The following CCSER1 variants were observed in gnomAD, a reference collection of about 807,000 sequenced individuals.
The protein encoded by CCSER1 is serine-rich coiled-coil domain-containing protein 1.
Under a neutral mutation model 82.0 loss-of-function variants are expected in CCSER1, and 41 were observed. That is an observed-to-expected ratio of 0.50 (90% CI 0.39 to 0.65). CCSER1 has a LOEUF of 0.65. Among genes scored for constraint, CCSER1 ranks in the 30% least tolerant of loss-of-function variants. CCSER1 has a pLI of 0.00. For missense variants in CCSER1, 1,119 were observed against 1,064.2 expected, an observed-to-expected ratio of 1.05 and a Z score of -0.72; for synonymous variants, 414 against 383.9, an observed-to-expected ratio of 1.08 and a Z score of -0.92.
chr4:90,370,278 C>T (rs1747151761), intron 3 of CCSER1: 1 of 152,002 alleles, frequency 6.6e-6, no homozygotes. Flanking sequence ...AATCTTCCCA[C>T]ATAGAGGAGT....
intron 8 of CCSER1, among the ~76,000 whole-genome samples, chr4:90,839,700 C>T (rs1762315941): frequency 6.6e-6 from 1 of 152,146 alleles, no homozygotes; most frequent in African/African-American, 2.4e-5. Flanking sequence ...TCCTTTTGCC[C>T]AATCTTACCA....
intron 1 of CCSER1, among the ~76,000 whole-genome samples, chr4:90,165,665 G>C (rs182673537): frequency 5.9e-5 from 9 of 152,118 alleles, no homozygotes; most frequent in Admixed American, 5.2e-4. Context: ...ATGTTTCTGT[G>C]ATAATGGTAT....
chr4:90,469,524 A>AACACACACACAC (rs3971380), intron 5 of CCSER1, among the ~76,000 whole-genome samples: 3,310 of 136,340 alleles, frequency 0.024, 61 homozygotes, highest in East Asian at 0.072. Flanking sequence ...TTTCCTGCAA[A>AACACACACACAC]ACACACACAC....
chr4:90,185,971 G>T (rs547990897), intron 1 of CCSER1, among the ~76,000 whole-genome samples: 1 of 152,048 alleles, frequency 6.6e-6, no homozygotes, highest in African/African-American at 2.4e-5. Flanking sequence ...AATTCATATT[G>T]TGCCACATTA....
intron 8 of CCSER1, among the ~76,000 whole-genome samples, chr4:90,850,791 T>G (rs931195524): frequency 6.6e-6 from 1 of 152,236 alleles, no homozygotes; most frequent in Non-Finnish European, 1.5e-5. Context: ...AATGCTGGAA[T>G]GAGTTAAGAC....
At chr4:90,320,396 G>A (rs1561022535) in intron 3 of CCSER1, among the ~76,000 whole-genome samples, 1 of 152,064 alleles carries the variant, frequency 6.6e-6, no homozygotes, top group Non-Finnish European at 1.5e-5. Context: ...TAAAGCTCTG[G>A]CTTTTTTGAC....
rs184987118 is a variant in CCSER1, at chr4:91,356,671, G to A, written c.2218-241901G>A. ...CAATACCACCACAAATCCACTCGGG[G>A]ATGAACAAGGGCTGACTGATTGATA... On this transcript the variant is annotated intron_variant, in intron 10 of 10. Transcript: ENST00000509176. Among the ~76,000 whole-genome samples, 159 of 152,286 alleles carry A rather than the reference G, an allele frequency of 1.0e-3. 2 individuals carry two copies. The highest frequency in any genetic ancestry group is 0.01 in the Middle Eastern group (3 of 292).
At chr4:91,220,639 G>T (rs1737654302) in intron 10 of CCSER1, among the ~76,000 whole-genome samples, 1 of 152,116 alleles carries the variant, frequency 6.6e-6, no homozygotes, top group Admixed American at 6.5e-5. Context: ...TTCAACAACG[G>T]TAGCAGTGTC....
At chr4:90,372,809 A>C (rs772906464) in intron 3 of CCSER1, among the ~76,000 whole-genome samples, 3 of 152,068 alleles carry the variant, frequency 2.0e-5, no homozygotes, top group Non-Finnish European at 2.9e-5. Flanking sequence ...TTGAAATGCC[A>C]TGTCAATAGC....
At chr4:90,953,541 T>C (rs913765323) in intron 9 of CCSER1, among the ~76,000 whole-genome samples, 2 of 151,538 alleles carry the variant, frequency 1.3e-5, no homozygotes, top group African/African-American at 4.8e-5. Context: ...TAAATAAATA[T>C]GAAGAGGATC....
At chr4:91,155,338 T>A (rs931638564) in intron 10 of CCSER1, among the ~76,000 whole-genome samples, 4 of 151,900 alleles carry the variant, frequency 2.6e-5, no homozygotes, top group Non-Finnish European at 5.9e-5. Flanking sequence ...GTAAGATGGC[T>A]TTTTGCTCTT....
At chr4:91,095,225 G>A (rs867946772) in intron 10 of CCSER1, among the ~76,000 whole-genome samples, 41 of 152,216 alleles carry the variant, frequency 2.7e-4, no homozygotes, top group South Asian at 4.1e-4. Flanking sequence ...AAGTCCCTTC[G>A]TCTTTATCTG....
At chr4:90,516,400 T>A (rs1255040619) in intron 5 of CCSER1, among the ~76,000 whole-genome samples, 1 of 151,992 alleles carries the variant, frequency 6.6e-6, no homozygotes, top group East Asian at 1.9e-4. Context: ...AAACTTGGGG[T>A]GAGCGTTAGA....
intron 6 of CCSER1, among the ~76,000 whole-genome samples, chr4:90,653,192 GT>G (rs1729101714): frequency 6.6e-6 from 1 of 152,026 alleles, no homozygotes; most frequent in East Asian, 1.9e-4. Context: ...ATGTGTGCTT[GT>G]TTTTATTTGA....
chr4:90,195,740 T>G (rs891924151), intron 1 of CCSER1, among the ~76,000 whole-genome samples: 1 of 152,064 alleles, frequency 6.6e-6, no homozygotes, highest in East Asian at 1.9e-4. Context: ...AAAAATTAAT[T>G]ATCATGTCAA....
chr4:90,773,757 A>G (rs2149577145), intron 7 of CCSER1, among the ~76,000 whole-genome samples: 1 of 152,314 alleles, frequency 6.6e-6, no homozygotes, highest in Non-Finnish European at 1.5e-5. Context: ...TGTAGTTCCC[A>G]TCCAAAATTA....
chr4:91,154,468 C>A (rs1319834193), intron 10 of CCSER1, among the ~76,000 whole-genome samples: 2 of 151,172 alleles, frequency 1.3e-5, no homozygotes, highest in African/African-American at 4.9e-5. Flanking sequence ...CTGGGTGAGG[C>A]AATGCCAATG....
intron 4 of CCSER1, among the ~76,000 whole-genome samples, chr4:90,413,503 AG>A (rs1281937093): frequency 4.6e-5 from 7 of 152,190 alleles, no homozygotes; most frequent in Non-Finnish European, 8.8e-5. Flanking sequence ...AGCAAGACTA[AG>A]CAAACAAATC....
At chr4:90,283,101 G>A (rs72879754) in intron 1 of CCSER1, among the ~76,000 whole-genome samples, 8,418 of 151,878 alleles carry the variant, frequency 0.055, 643 homozygotes, top group African/African-American at 0.17. Context: ...TGAAACAGAG[G>A]GGGACCGTTA....
Sources: gnomAD v4.1 joint callset for allele counts (sites outside exome capture counted in the v4.1 genomes callset) on GRCh38, gnomAD v4.1.1 for gene constraint, MANE v1.5 for transcripts, NCBI Gene and HGNC (gene_info 2026-07-23, HGNC 2026-07-21) for gene names.